LRP1B: variants seen among roughly 807,000 people sequenced by gnomAD.
LRP1B encodes LDL receptor related protein 1B.
LRP1B carries 217 observed loss-of-function variants against 556.6 expected under a neutral mutation model. The observed-to-expected ratio is 0.39, with a 90% confidence interval of 0.35 to 0.44. The LOEUF (loss-of-function observed/expected upper bound fraction) is 0.44, where lower values mean the gene tolerates loss of function less well. Among genes scored for constraint, LRP1B ranks in the 20% least tolerant of loss-of-function variants. LRP1B has a pLI of 1.00. For synonymous variants in LRP1B, 2,047 were observed against 1,865.8 expected, an observed-to-expected ratio of 1.10 and a Z score of -2.50; for missense variants, 5,053 against 5,620.8, an observed-to-expected ratio of 0.90 and a Z score of 3.23.
chr2:140,827,456 A>G (rs1691548585), intron 31 of LRP1B, among the ~76,000 whole-genome samples: 1 of 152,054 alleles, frequency 6.6e-6, no homozygotes. Context: ...AAATCTTAGA[A>G]GTGAGAAACA....
chr2:141,132,922 C>T (rs73962444), intron 7 of LRP1B, among the ~76,000 whole-genome samples: 2,503 of 152,008 alleles, frequency 0.016, 73 homozygotes, highest in African/African-American at 0.057. Context: ...GGTATTATTT[C>T]TCTTGCACAA....
chr2:141,744,618 C>T (rs1026537742), intron 2 of LRP1B, among the ~76,000 whole-genome samples: 3 of 152,134 alleles, frequency 2.0e-5, no homozygotes, highest in Admixed American at 6.6e-5. Flanking sequence ...CTCTCTCTAG[C>T]TCTAATAATA....
At chr2:140,590,216 A>C (rs909530818) in intron 43 of LRP1B, among the ~76,000 whole-genome samples, 2 of 146,218 alleles carry the variant, frequency 1.4e-5, no homozygotes, top group Non-Finnish European at 3.0e-5. Context: ...TTCTATTAAC[A>C]ATTTTGGGAA....
At position 141,078,958 on chromosome 2, in the gene LRP1B, G is replaced by C. The variant is rs181730349; in HGVS notation, c.1014-16685C>G. On this transcript the variant is annotated intron_variant, in intron 7 of 90. Coordinates refer to ENST00000389484, the MANE Select transcript of LRP1B (RefSeq NM_018557.3). ...TATAATAGAGACCTAGGGAGATAAAGTGCTTTGCCCAGGATCATGCTGATA... is the reference window on the plus strand; with the variant it reads ...TATAATAGAGACCTAGGGAGATAAACTGCTTTGCCCAGGATCATGCTGATA... Among the ~76,000 whole-genome samples, 61 of 152,268 alleles carry C rather than the reference G, an allele frequency of 4.0e-4. No homozygotes were observed. In the East Asian group the frequency reaches 7.0e-3, roughly 17 times the overall value.
chr2:140,377,107 C>T (rs970470797), intron 68 of LRP1B, among the ~76,000 whole-genome samples: 1 of 152,070 alleles, frequency 6.6e-6, no homozygotes. Context: ...GGTGGAGTCT[C>T]GCTCTGTCGC....
intron 80 of LRP1B, among the ~76,000 whole-genome samples, chr2:140,324,307 C>CTTTACCATCACAAAGCATT (rs1486484652): frequency 6.6e-6 from 1 of 151,962 alleles, no homozygotes; most frequent in East Asian, 1.9e-4. Flanking sequence ...ATTTAACCAT[C>CTTTACCATCACAAAGCATT]TTTACCATCA....
chr2:141,018,791 A>G (rs1697984165), intron 12 of LRP1B, among the ~76,000 whole-genome samples: 1 of 152,122 alleles, frequency 6.6e-6, no homozygotes. Flanking sequence ...CAAACATAAA[A>G]TCACCAAAAT....
chr2:140,353,186 T>C, intron 75 of LRP1B, 114 bp from the exon 76 acceptor site: 2 of 1,017,282 alleles, frequency 2.0e-6, no homozygotes, highest in Non-Finnish European at 2.9e-6. Context: ...TTTATTGTCC[T>C]TTCACATCTT....
chr2:140,789,598 G>A (rs1211755809), intron 32 of LRP1B, among the ~76,000 whole-genome samples: 1 of 141,218 alleles, frequency 7.1e-6, no homozygotes, highest in Non-Finnish European at 1.5e-5. Flanking sequence ...GGCATGCCAA[G>A]CACGATCTAG....
chr2:141,854,893 T>TA (rs201376311), intron 1 of LRP1B, among the ~76,000 whole-genome samples: 41 of 151,814 alleles, frequency 2.7e-4, no homozygotes, highest in African/African-American at 6.3e-4. Flanking sequence ...TAAAAAGTCC[T>TA]AAAAAAAATA....
chr2:142,012,564 A>G (rs1384626055), intron 1 of LRP1B, among the ~76,000 whole-genome samples: 4 of 152,142 alleles, frequency 2.6e-5, no homozygotes, highest in Non-Finnish European at 5.9e-5. Context: ...AAGTTAGCAG[A>G]AAAGAAAACT....
chr2:140,667,473 T>C (rs1685319469), intron 41 of LRP1B, among the ~76,000 whole-genome samples: 1 of 152,210 alleles, frequency 6.6e-6, no homozygotes, highest in African/African-American at 2.4e-5. Flanking sequence ...ACTCTCTTCC[T>C]ATACACCTTG....
chr2:142,035,800 C>T (rs776390244), intron 1 of LRP1B, among the ~76,000 whole-genome samples: 4 of 151,606 alleles, frequency 2.6e-5, no homozygotes, highest in Non-Finnish European at 5.9e-5. Context: ...GTGTCCTCAC[C>T]GAAATCTCAA....
intron 41 of LRP1B, among the ~76,000 whole-genome samples, chr2:140,656,208 C>G (rs1056033103): frequency 3.9e-5 from 6 of 152,090 alleles, no homozygotes; most frequent in Non-Finnish European, 5.9e-5. Context: ...CTAGCAGATT[C>G]TGTAATGTAA....
chr2:140,235,989 G>A (rs1489408171), intron 89 of LRP1B, among the ~76,000 whole-genome samples: 3 of 150,896 alleles, frequency 2.0e-5, no homozygotes, highest in Non-Finnish European at 3.0e-5. Context: ...TATGTATCAT[G>A]TCTCCACTTC....
chr2:141,307,260 T>C (rs1686626470), intron 3 of LRP1B, among the ~76,000 whole-genome samples: 1 of 152,178 alleles, frequency 6.6e-6, no homozygotes, highest in African/African-American at 2.4e-5. Context: ...TTAGATTTAA[T>C]AATATTTGCT....
chr2:141,526,655 A>T (rs913510273), intron 2 of LRP1B, among the ~76,000 whole-genome samples: 9 of 151,928 alleles, frequency 5.9e-5, no homozygotes, highest in African/African-American at 2.2e-4. Flanking sequence ...TTTAATTGTA[A>T]TGTAGACCCC....
rs559626725 is a variant in LRP1B, at chr2:140,321,366, G to T, written c.12640+597C>A. Among the ~76,000 whole-genome samples, 97 of 151,558 alleles carry T rather than the reference G, an allele frequency of 6.4e-4. No individual in the cohort carries two copies. In the South Asian group the frequency reaches 0.019, roughly 30 times the overall value. ...AAAAAATCTTATCCATTTTGTTTCTGTTAGTTTTTAGTTTTTACATTAGTG... is the reference window on the plus strand; with the variant it reads ...AAAAAATCTTATCCATTTTGTTTCTTTTAGTTTTTAGTTTTTACATTAGTG... On this transcript the variant is annotated intron_variant, in intron 82 of 90. Coordinates refer to ENST00000389484, the MANE Select transcript of LRP1B (RefSeq NM_018557.3).
chr2:141,543,430 G>C (rs185685885), intron 2 of LRP1B, among the ~76,000 whole-genome samples: 114 of 148,998 alleles, frequency 7.7e-4, no homozygotes, highest in African/African-American at 2.7e-3. Flanking sequence ...CAGGGGGATT[G>C]CTTCAGCCCG....
Sources: gnomAD v4.1 joint callset for allele counts (sites outside exome capture counted in the v4.1 genomes callset) on GRCh38, gnomAD v4.1.1 for gene constraint, MANE v1.5 for transcripts, NCBI Gene and HGNC (gene_info 2026-07-23, HGNC 2026-07-21) for gene names.